GALNT9: variants seen among roughly 807,000 people sequenced by gnomAD.
GALNT9 encodes the protein GalNAc transferase 9.
A neutral mutation model predicts 63.1 loss-of-function variants in GALNT9; 47 were observed. The observed-to-expected ratio is 0.75, with a 90% CI of 0.59 to 0.95. GALNT9 has a LOEUF of 0.95. Ranked by LOEUF, GALNT9 falls within the 40% of genes least tolerant of loss-of-function variation. The probability of loss-of-function intolerance (pLI) is 0.00; values close to 1 mark genes in which losing one functional copy is unlikely to be tolerated. For missense variants in GALNT9, 829 were observed against 874.8 expected, an observed-to-expected ratio of 0.95 and a Z score of 0.66; for synonymous variants, 396 against 365.7, an observed-to-expected ratio of 1.08 and a Z score of -0.94.
At chr12:132,267,464 C>G (rs1446863947) in intron 2 of GALNT9, among the ~76,000 whole-genome samples, 1 of 152,198 alleles carries the variant, frequency 6.6e-6, no homozygotes, top group Non-Finnish European at 1.5e-5. Flanking sequence ...CACGGAGAAC[C>G]CACACCGTCG....
chr12:132,219,919 C>T (rs201725863), intron 6 of GALNT9, among the ~76,000 whole-genome samples: 1 of 150,324 alleles, frequency 6.7e-6, no homozygotes, highest in African/African-American at 2.4e-5. Flanking sequence ...GGGGAAGGGG[C>T]ACCTCCCCAG....
At chr12:132,293,146 G>T (rs1880924433) in intron 1 of GALNT9, among the ~76,000 whole-genome samples, 1 of 152,234 alleles carries the variant, frequency 6.6e-6, no homozygotes. Context: ...GACTTGTGGG[G>T]ACGCAAGGGG....
chr12:132,211,223 C>T (rs903715415), intron 6 of GALNT9, among the ~76,000 whole-genome samples: 1 of 152,170 alleles, frequency 6.6e-6, no homozygotes, highest in African/African-American at 2.4e-5. Flanking sequence ...AAAACGCTTC[C>T]ACAACCAGCA....
Position 132,249,616 on chromosome 12 carries a change from TCTTAA to T in GALNT9, c.960-1594_960-1590del, listed in dbSNP as rs1194565477. Among the ~76,000 whole-genome samples the T allele has an allele frequency of 1.4e-4, 21 of 152,382 alleles. No homozygotes were observed. In the East Asian group the frequency reaches 4.0e-3, roughly 29 times the overall value. Reference sequence around the variant, plus strand: ...TATACAACAGGTATTTCTCCTGTTTTCTTAACAACAACCATCATTTCAGGGTGATC... The same window carrying T: ...TATACAACAGGTATTTCTCCTGTTTTCAACAACCATCATTTCAGGGTGATC... On this transcript the variant is annotated intron_variant, in intron 5 of 10. Transcript: ENST00000328957.
chr12:132,302,743 G>T (rs1260743789), intron 1 of GALNT9, among the ~76,000 whole-genome samples: 3 of 152,234 alleles, frequency 2.0e-5, no homozygotes, highest in Non-Finnish European at 4.4e-5. Flanking sequence ...GAAGAGAAAG[G>T]CCAGGAGGGC....
chr12:132,221,739 G>A (rs1008282433), intron 6 of GALNT9, among the ~76,000 whole-genome samples: 2 of 148,546 alleles, frequency 1.3e-5, no homozygotes. Context: ...AAAGGAATCC[G>A]CAAACGTCAG....
chr12:132,207,320 G>A (rs1876754723), intron 6 of GALNT9, among the ~76,000 whole-genome samples: 1 of 152,226 alleles, frequency 6.6e-6, no homozygotes, highest in Non-Finnish European at 1.5e-5. Context: ...GCGAGGCCGG[G>A]CACACAGTAG....
At chr12:132,294,119 A>G (rs782155579) in intron 1 of GALNT9, among the ~76,000 whole-genome samples, 13 of 152,374 alleles carry the variant, frequency 8.5e-5, no homozygotes, top group South Asian at 2.1e-4. Context: ...CCTGGTGACC[A>G]CTATGGACAC....
At chr12:132,256,660 G>A (rs1254891454) in intron 5 of GALNT9, among the ~76,000 whole-genome samples, 8 of 107,472 alleles carry the variant, frequency 7.4e-5, no homozygotes, top group African/African-American at 2.5e-4. Flanking sequence ...GACACTGGAG[G>A]GGGGACGCTG....
chr12:132,250,070 GGA>G (rs1878850695), intron 5 of GALNT9, among the ~76,000 whole-genome samples: 1 of 152,244 alleles, frequency 6.6e-6, no homozygotes, highest in Admixed American at 6.5e-5. Context: ...GTGGATACAT[GGA>G]GAGTGGCCCA....
At chr12:132,248,621 C>T (rs1048624271) in intron 5 of GALNT9, among the ~76,000 whole-genome samples, 1 of 152,178 alleles carries the variant, frequency 6.6e-6, no homozygotes, top group African/African-American at 2.4e-5. Flanking sequence ...TGGGCAGTTG[C>T]GTAGGCTGTG....
chr12:132,216,276 C>T (rs1200098413), intron 6 of GALNT9, among the ~76,000 whole-genome samples: 2 of 152,184 alleles, frequency 1.3e-5, no homozygotes, highest in Non-Finnish European at 2.9e-5. Context: ...GAGAAAGACA[C>T]ACAAACAGAG....
intron 2 of GALNT9, among the ~76,000 whole-genome samples, chr12:132,272,441 G>A (rs1030484190): frequency 6.6e-5 from 10 of 152,228 alleles, no homozygotes; most frequent in African/African-American, 2.4e-4. Context: ...CCGGCTTCCC[G>A]TGACACCCAG....
chr12:132,302,306 A>G (rs1881327685), intron 1 of GALNT9, among the ~76,000 whole-genome samples: 1 of 151,400 alleles, frequency 6.6e-6, no homozygotes, highest in Non-Finnish European at 1.5e-5. Flanking sequence ...GAAAACTAGT[A>G]TCAGTATTTT....
intron 6 of GALNT9, chr12:132,205,837 C>T (rs988611157): frequency 2.0e-5 from 3 of 152,038 alleles, no homozygotes; most frequent in Non-Finnish European, 2.9e-5. Flanking sequence ...GCTGGTGAAT[C>T]CCGCCCACCG....
At chr12:132,201,957 C>G (rs543680202) in intron 7 of GALNT9, among the ~76,000 whole-genome samples, 1 of 152,308 alleles carries the variant, frequency 6.6e-6, no homozygotes, top group South Asian at 2.1e-4. Context: ...TGAGGGAGCA[C>G]CTGCACCCTG....
At chr12:132,203,283 G>T (rs1459815044) in intron 7 of GALNT9, among the ~76,000 whole-genome samples, 3 of 152,172 alleles carry the variant, frequency 2.0e-5, no homozygotes, top group Non-Finnish European at 2.9e-5. Context: ...ACCGGGGTGG[G>T]TGTGAGCTGG....
rs943315425 is a variant in GALNT9 at position 132,327,204 on chromosome 12, G to T, written c.238+1762C>A. 5.3e-5 allele frequency among the ~76,000 whole-genome samples: 8 copies of T among 151,670 alleles called. No homozygotes were observed. The highest frequency in any genetic ancestry group is 3.3e-4 in the Admixed American group (5 of 15,234). On this transcript the variant is annotated intron_variant, in intron 1 of 10. Coordinates refer to ENST00000328957, the MANE Select transcript of GALNT9 (RefSeq NM_001122636.2). This position sits in a 1 kb window ranked among gnomAD's most constrained non-coding sequence, Gnocchi z 4.3. ...AGAAACAATTTTAAAAGAAAGAAAG[G>T]AGGAAGGGGGAGGGAAGCGAAGAGG...
At position 132,252,481 on chromosome 12, in the gene GALNT9, G is replaced by T. The variant is rs913378267; in HGVS notation, c.960-4454C>A. Among the ~76,000 whole-genome samples the T allele has an allele frequency of 6.6e-6, 1 of 152,220 alleles. No individual in the cohort carries two copies. Among genetic ancestry groups the T allele is most frequent in the African/African-American group, 2.4e-5 (1 of 41,458 alleles). On this transcript the variant is annotated intron_variant, in intron 5 of 10. Coordinates refer to ENST00000328957, the MANE Select transcript of GALNT9 (RefSeq NM_001122636.2). The surrounding 1 kb of genome is among the most constrained non-coding windows in gnomAD (Gnocchi z 5.2). ...GGTCCAGCCCTACAGGGCTTAGCGGGTGTTCTCCCCGTGTGCAGAGACAAG... is the reference window on the plus strand; with the variant it reads ...GGTCCAGCCCTACAGGGCTTAGCGGTTGTTCTCCCCGTGTGCAGAGACAAG...
Sources: allele counts gnomAD v4.1 joint callset (sites outside exome capture counted in the v4.1 genomes callset), GRCh38; gene constraint gnomAD v4.1.1; non-coding constraint Gnocchi (gnomAD v3.1); transcripts MANE v1.5; gene names NCBI Gene and HGNC (gene_info 2026-07-23, HGNC 2026-07-21).